DKKL1: variants seen among roughly 807,000 people sequenced by gnomAD.
DKKL1 encodes dickkopf like acrosomal protein 1.
A neutral mutation model predicts 16.5 loss-of-function variants in DKKL1; 11 were observed. The observed-to-expected ratio is 0.67, with a 90% CI of 0.42 to 1.10. The LOEUF is 1.10. Among genes scored for constraint, DKKL1 ranks in the 50% least tolerant of loss-of-function variants. DKKL1 has a pLI of 0.00. For missense variants in DKKL1, 320 were observed against 308.1 expected (o/e 1.04, Z -0.29); for synonymous variants, 119 against 133.2 (o/e 0.89, Z 0.73).
chr19:49,364,003 GAGA>G lies in DKKL1; in HGVS notation c.8_10del (p.Glu3del), dbSNP rs780249535. ...GCCCAGAAGAAGGGGCGGGGTATGG[GAGA>G]AGGTGAGGATTGAGATCTGGTGGTG... On this transcript the variant is annotated inframe_deletion and splice_region_variant, in exon 1 of 5. Transcript: ENST00000221498. 2.5e-6 allele frequency: 4 copies of G among 1,613,368 alleles called. No homozygotes were observed. The highest frequency in any genetic ancestry group is 3.4e-6 in the Non-Finnish European group (4 of 1,179,708).
chr19:49,367,303 TG>T (rs1973291060), intron 4 of DKKL1, among the ~76,000 whole-genome samples: 1 of 152,180 alleles, frequency 6.6e-6, no homozygotes, highest in Non-Finnish European at 1.5e-5. Context: ...CCCAAAGTGC[TG>T]GGATTATAGG....
intron 4 of DKKL1, among the ~76,000 whole-genome samples, chr19:49,374,467 C>T (rs571181188): frequency 5.3e-5 from 8 of 152,304 alleles, no homozygotes; most frequent in South Asian, 2.1e-4. Flanking sequence ...GCATTATAAT[C>T]CCTGAAGTGC....
intron 4 of DKKL1, among the ~76,000 whole-genome samples, chr19:49,374,475 T>G (rs1383517478): frequency 1.3e-5 from 2 of 152,216 alleles, no homozygotes; most frequent in Admixed American, 6.5e-5. Context: ...ATCCCTGAAG[T>G]GCTCTATTAC....
In DKKL1 at chr19:49,374,861, C is replaced by T. The variant is rs1348550895; in HGVS notation, c.562C>T (p.His188Tyr). 1.9e-6 allele frequency: 3 copies of T among 1,613,980 alleles called. No homozygotes were observed. The Admixed American group carries it at 5.0e-5, about 27-fold the overall frequency. ...CCACCAGGATGCCCTGGAGGGCGGC[C>T]ACTGGCTCAGCGAGAAGCGACACCG... Reference protein sequence around the residue: ...RSHQDALEGGHWLSEKRHRLQ... With the variant: ...RSHQDALEGGYWLSEKRHRLQ... The change falls in exon 5 of 5, where the codon CAC (histidine) becomes TAC (tyrosine). Residue 188 changes from histidine (H) to tyrosine (Y), a missense_variant. Coordinates refer to ENST00000221498, the MANE Select transcript of DKKL1 (RefSeq NM_014419.4).
At chr19:49,362,919 G>GTTGTTTTTT (rs1568588572), upstream of DKKL1, among the ~76,000 whole-genome samples, 3 of 130,256 alleles carry the variant, frequency 2.3e-5, no homozygotes, top group Admixed American at 7.4e-5. Flanking sequence ...TGGTTTTTTT[G>GTTGTTTTTT]TTTTTTGTTT....
At chr19:49,373,477 G>GTTTGTTT (rs760496237) in intron 4 of DKKL1, among the ~76,000 whole-genome samples, 137 of 152,022 alleles carry the variant, frequency 9.0e-4, no homozygotes, top group Non-Finnish European at 1.5e-3. Flanking sequence ...TTGTTTGTTC[G>GTTTGTTT]TTTGTTTTTT....
chr19:49,374,214 C>G (rs922310909), intron 4 of DKKL1, among the ~76,000 whole-genome samples: 3 of 152,168 alleles, frequency 2.0e-5, no homozygotes, highest in Non-Finnish European at 2.9e-5. Context: ...TCTCGATCTC[C>G]TGACCTCGTG....
chr19:49,366,671 T>C (rs1051621148), intron 4 of DKKL1, among the ~76,000 whole-genome samples: 12 of 151,400 alleles, frequency 7.9e-5, no homozygotes, highest in Admixed American at 4.0e-4. Context: ...TTTGTTGTTA[T>C]TGTGGTTTTG....
Position 49,365,861 on chromosome 19 carries a change from G to C in DKKL1, c.393G>C (p.Glu131Asp). The change falls in exon 4 of 5, where the codon GAG (glutamate) becomes GAC (aspartate). Residue 131 changes from glutamate (E) to aspartate (D), a missense_variant. By Grantham distance (45) the Glu-to-Asp change is conservative (BLOSUM62 2). Coordinates refer to ENST00000221498, the MANE Select transcript of DKKL1 (RefSeq NM_014419.4). Reference sequence around the variant, plus strand: ...TGGTGGCATCCATTCAACCAGCGGAGGGGAGCTTCGAGGGTGATTTGAAGG... The same window carrying C: ...TGGTGGCATCCATTCAACCAGCGGACGGGAGCTTCGAGGGTGATTTGAAGG... ...ENVVASIQPAEGSFEGDLKVP... is the reference protein window; with the variant it reads ...ENVVASIQPADGSFEGDLKVP... The C allele has an allele frequency of 1.2e-6, 2 of 1,614,132 alleles. No homozygotes were observed. Among genetic ancestry groups the C allele is most frequent in the Non-Finnish European group, 1.7e-6 (2 of 1,180,020 alleles).
Position 49,364,672 on chromosome 19 carries a change from A to G in DKKL1, c.101A>G (p.His34Arg). ...LVIPSAAAPI[H>R]DADAQESSLG... is the part of the protein sequence containing the mutation. ...ATCCCCTCCGCTGCAGCTCCTATCC[A>G]TGATGCTGACGCCCAAGAGAGCTCC... is the stretch of plus-strand genomic sequence containing the variant. Residue 34 changes from histidine (H) to arginine (R), a missense_variant, in exon 2 of 5, where the codon CAT (histidine) becomes CGT (arginine). By Grantham distance (29) the His-to-Arg change is conservative. Coordinates refer to ENST00000221498, the MANE Select transcript of DKKL1 (RefSeq NM_014419.4). 6.2e-7 allele frequency: 1 copy of G among 1,614,140 alleles called. No homozygotes were observed. The highest frequency in any genetic ancestry group is 1.7e-4 in the Middle Eastern group (1 of 6,026).
chr19:49,368,052 C>T (rs1326714003), intron 4 of DKKL1, among the ~76,000 whole-genome samples: 5 of 152,094 alleles, frequency 3.3e-5, no homozygotes, highest in Admixed American at 2.6e-4. Context: ...CTGGCTTACG[C>T]CTGTAATCCT....
upstream of DKKL1, among the ~76,000 whole-genome samples, chr19:49,360,841 CAG>C (rs1244579866): frequency 9.7e-6 from 1 of 102,646 alleles, no homozygotes; most frequent in Non-Finnish European, 1.8e-5. Context: ...GGACAGAGAC[CAG>C]AGAGAGAGGG....
In DKKL1 at chr19:49,373,497, T is replaced by C. The variant is rs563752951; in HGVS notation, c.418-1220T>C. On this transcript the variant is annotated intron_variant, in intron 4 of 4. Coordinates refer to ENST00000221498, the MANE Select transcript of DKKL1 (RefSeq NM_014419.4). ...TGTTCGTTTGTTTTTTAAGCCTGGGTCTTGCTCTGTTGCCCAGGCTAGAGT... is the reference window on the plus strand; with the variant it reads ...TGTTCGTTTGTTTTTTAAGCCTGGGCCTTGCTCTGTTGCCCAGGCTAGAGT... 2.6e-5 allele frequency among the ~76,000 whole-genome samples: 4 copies of C among 152,198 alleles called. No individual in the cohort carries two copies. The South Asian group carries it at 8.3e-4, about 32-fold the overall frequency.
intron 4 of DKKL1, among the ~76,000 whole-genome samples, chr19:49,372,647 T>C (rs1011855410): frequency 1.2e-4 from 17 of 147,744 alleles, no homozygotes; most frequent in African/African-American, 4.3e-4. Flanking sequence ...TGAGCCGAGA[T>C]CGTGCCACTG....
At position 49,365,804 on chromosome 19, in the gene DKKL1, C is replaced by A. The variant is rs1973227551; in HGVS notation, c.336C>A (p.Asn112Lys). 6 of 1,613,834 alleles carry A rather than the reference C, an allele frequency of 3.7e-6. No individual in the cohort carries two copies. The highest frequency in any genetic ancestry group is 4.2e-6 in the Non-Finnish European group (5 of 1,179,962). ...TCGGATCCTCACAGATGACCGACAACAAGACAGGAGAGGTGCTGATCTCCG... is the reference window on the plus strand; with the variant it reads ...TCGGATCCTCACAGATGACCGACAAAAAGACAGGAGAGGTGCTGATCTCCG... ...SHLQIDKMTDNKTGEVLISEN... is the reference protein window; with the variant it reads ...SHLQIDKMTDKKTGEVLISEN... The change falls in exon 4 of 5, where the codon AAC becomes AAA. Residue 112 changes from asparagine (N) to lysine (K), a missense_variant. Asn to Lys is a moderately conservative substitution (Grantham distance 94). Coordinates refer to ENST00000221498, the MANE Select transcript of DKKL1 (RefSeq NM_014419.4).
chr19:49,374,832 G>A lies in DKKL1; in HGVS notation c.533G>A (p.Arg178Lys). The A allele has an allele frequency of 6.2e-7, 1 of 1,613,736 alleles. No homozygotes were observed. The highest frequency in any genetic ancestry group is 1.1e-5 in the South Asian group (1 of 91,018). Residue 178 changes from arginine to lysine, a missense_variant, in exon 5 of 5, where the codon AGG becomes AAG. Arg to Lys is a conservative substitution (Grantham distance 26). Transcript: ENST00000221498. Reference sequence around the variant, plus strand: ...TGGATCATTAAGCTGCCACGGCGGAGGTCCCACCAGGATGCCCTGGAGGGC... The same window carrying A: ...TGGATCATTAAGCTGCCACGGCGGAAGTCCCACCAGGATGCCCTGGAGGGC... ...AFWIIKLPRR[R>K]SHQDALEGGH...
upstream of DKKL1, chr19:49,363,685 C>T: frequency 2.3e-6 from 1 of 440,690 alleles, no homozygotes; most frequent in Non-Finnish European, 4.3e-6. Context: ...ACTGTGTGGG[C>T]GTGGCCAGGG....
chr19:49,367,021 T>C (rs1326619063), intron 4 of DKKL1, among the ~76,000 whole-genome samples: 1 of 151,406 alleles, frequency 6.6e-6, no homozygotes, highest in Non-Finnish European at 1.5e-5. Flanking sequence ...AATGTGATTT[T>C]CTTCTTCTTT....
upstream of DKKL1, among the ~76,000 whole-genome samples, chr19:49,360,894 G>C (rs1972827452): frequency 7.2e-6 from 1 of 138,528 alleles, no homozygotes; most frequent in African/African-American, 2.8e-5. Context: ...CCCAGAGACA[G>C]AGGGGGACAG....
Sources: allele counts gnomAD v4.1 joint callset (sites outside exome capture counted in the v4.1 genomes callset), GRCh38; gene constraint gnomAD v4.1.1; transcripts MANE v1.5; gene names NCBI Gene and HGNC (gene_info 2026-07-23, HGNC 2026-07-21).